Variants in HDAC4 observed in about 807,000 individuals in gnomAD.
HDAC4 encodes the protein histone deacetylase 4.
A neutral mutation model predicts 135.1 loss-of-function variants in HDAC4; 16 were observed. The ratio of observed to expected loss-of-function variants is 0.12; its 90% CI spans 0.08 to 0.18. The LOEUF is 0.18. Among genes scored for constraint, HDAC4 ranks in the 10% least tolerant of loss-of-function variants. The pLI is 1.00. For missense variants in HDAC4, 1,143 were observed against 1,511.8 expected (o/e 0.76, Z 4.05); for synonymous variants, 685 against 653.4 (o/e 1.05, Z -0.74).
chr2:239,373,397 C>T (rs1421690132), intron 1 of HDAC4, among the ~76,000 whole-genome samples: 1 of 152,166 alleles, frequency 6.6e-6, no homozygotes, highest in South Asian at 2.1e-4. Context: ...TCACACTGAG[C>T]GTTCATTTTC....
intron 1 of HDAC4, among the ~76,000 whole-genome samples, chr2:239,366,558 T>A (rs1366430899): frequency 1.3e-5 from 2 of 152,152 alleles, no homozygotes; most frequent in Non-Finnish European, 2.9e-5. Context: ...TAAAATAAAC[T>A]CTGGAGAGGA....
chr2:239,263,366 C>T (rs1181821253), intron 2 of HDAC4, among the ~76,000 whole-genome samples: 5 of 147,918 alleles, frequency 3.4e-5, no homozygotes, highest in Non-Finnish European at 7.4e-5. Context: ...CCGAAGCCCG[C>T]CCAGTCCCCT....
At chr2:239,083,966 C>T (rs535408822) in intron 20 of HDAC4, among the ~76,000 whole-genome samples, 189 bp downstream of exon 20, 6 of 152,356 alleles carry the variant, frequency 3.9e-5, no homozygotes, top group South Asian at 2.1e-4. Flanking sequence ...TCGCCAGGGT[C>T]GGCTGACGGA....
intron 1 of HDAC4, among the ~76,000 whole-genome samples, chr2:239,373,205 T>G (rs976807624): frequency 6.6e-6 from 1 of 152,096 alleles, no homozygotes; most frequent in South Asian, 2.1e-4. Context: ...GCGTACCTCC[T>G]CCAGCCATGC....
intron 2 of HDAC4, among the ~76,000 whole-genome samples, chr2:239,243,517 C>T (rs13384472): frequency 0.27 from 41,653 of 151,926 alleles, 6,116 homozygotes; most frequent in East Asian, 0.4. Flanking sequence ...ACAATGAAAC[C>T]GCTGTGACTC....
intron 9 of HDAC4, among the ~76,000 whole-genome samples, chr2:239,137,692 A>G (rs2041069552): frequency 6.6e-6 from 1 of 152,174 alleles, no homozygotes; most frequent in East Asian, 1.9e-4. Flanking sequence ...ACTCTGCACC[A>G]CGTGAGAACG....
intron 1 of HDAC4, among the ~76,000 whole-genome samples, chr2:239,398,410 T>C (rs1696710577): frequency 6.6e-6 from 1 of 152,240 alleles, no homozygotes; most frequent in Non-Finnish European, 1.5e-5. Context: ...ACAATGAAGC[T>C]GGAGAATGGA....
chr2:239,133,520 G>A (rs2040739630), intron 11 of HDAC4, among the ~76,000 whole-genome samples: 2 of 152,226 alleles, frequency 1.3e-5, no homozygotes, highest in Admixed American at 1.3e-4. Context: ...AGGCTGGAGT[G>A]CAGTGCCACC....
At chr2:239,064,181 G>A (rs957313133) in intron 24 of HDAC4, among the ~76,000 whole-genome samples, 4 of 152,262 alleles carry the variant, frequency 2.6e-5, no homozygotes, top group Admixed American at 6.5e-5. Flanking sequence ...CGGGCAGTTT[G>A]TGTCACCTGG....
At chr2:239,175,589 C>G (rs913860409) in intron 5 of HDAC4, among the ~76,000 whole-genome samples, 4 of 152,224 alleles carry the variant, frequency 2.6e-5, no homozygotes, top group African/African-American at 9.6e-5. Flanking sequence ...ACACAGCCCC[C>G]ACAGAAGGCA....
intron 6 of HDAC4, among the ~76,000 whole-genome samples, chr2:239,158,047 C>T (rs1200301522): frequency 1.3e-5 from 2 of 152,354 alleles, no homozygotes; most frequent in African/African-American, 4.8e-5. Context: ...CAGTCAGGCT[C>T]GGACTGCAGG....
At position 239,319,157 on chromosome 2, in the gene HDAC4, AAAGT is replaced by A. The variant is rs2053224725; in HGVS notation, c.22+33517_22+33520del. Among the ~76,000 whole-genome samples the A allele has an allele frequency of 2.0e-5, 3 of 152,368 alleles. No individual in the cohort carries two copies. The South Asian group carries it at 6.2e-4, about 32-fold the overall frequency. On this transcript the variant is annotated intron_variant, in intron 2 of 26. Transcript: ENST00000543185. ...TCCAAAGGATATTACTTCCAGAAGA[AAAGT>A]AAGAGCAAAAAACCAGAATATCTGA...
In HDAC4 at chr2:239,313,786, T is replaced by C. The variant is rs573090049; in HGVS notation, c.22+38892A>G. Among the ~76,000 whole-genome samples the C allele has an allele frequency of 6.6e-6, 1 of 152,304 alleles. No homozygotes were observed. The highest frequency in any genetic ancestry group is 1.5e-5 in the Non-Finnish European group (1 of 68,028). On this transcript the variant is annotated intron_variant, in intron 2 of 26. Transcript: ENST00000543185. This position sits in a 1 kb window ranked among gnomAD's most constrained non-coding sequence, Gnocchi z 5.1. ...TAATTATACTCAGGGCTGAGTTGGC[T>C]GAAGAGTGAGGAATATACTCCAAAG...
intron 4 of HDAC4, among the ~76,000 whole-genome samples, chr2:239,188,310 G>A (rs926333403): frequency 1.4e-4 from 21 of 152,160 alleles, no homozygotes; most frequent in African/African-American, 4.3e-4. Flanking sequence ...TCCATTTCTC[G>A]ACAGTGATTA....
rs542713241 is a variant in HDAC4, at chr2:239,384,937, G to A, written c.-220+16041C>T. Among the ~76,000 whole-genome samples the A allele has an allele frequency of 2.2e-3, 342 of 152,242 alleles. 1 individual carries two copies. The highest frequency in any genetic ancestry group is 7.6e-3 in the African/African-American group (316 of 41,546). ...TCAGGGCTCCTCTCTGCACCCCACC[G>A]GGCCCAGAAACTGATGGGGAGGTGC... On this transcript the variant is annotated intron_variant, in intron 1 of 26. Coordinates refer to ENST00000543185, the MANE Select transcript of HDAC4 (RefSeq NM_001378414.1).
chr2:239,254,808 G>A (rs1358994406), intron 2 of HDAC4, among the ~76,000 whole-genome samples: 1 of 152,186 alleles, frequency 6.6e-6, no homozygotes, highest in Non-Finnish European at 1.5e-5. Flanking sequence ...TCTCTATTAG[G>A]ATAAATAAGT....
chr2:239,243,488 G>A (rs986503001), intron 2 of HDAC4, among the ~76,000 whole-genome samples: 1 of 152,160 alleles, frequency 6.6e-6, no homozygotes, highest in East Asian at 1.9e-4. Context: ...TTGGTGGGGG[G>A]TTGCTGACAT....
chr2:239,180,490 AC>A (rs1481828296), intron 4 of HDAC4, among the ~76,000 whole-genome samples: 1 of 152,090 alleles, frequency 6.6e-6, no homozygotes, highest in Non-Finnish European at 1.5e-5. Flanking sequence ...CATGCCAGTC[AC>A]CCCGCATGTC....
chr2:239,312,632 C>T (rs752029851), intron 2 of HDAC4, among the ~76,000 whole-genome samples: 13 of 152,190 alleles, frequency 8.5e-5, no homozygotes, highest in Non-Finnish European at 1.3e-4. Flanking sequence ...AAAACATCCA[C>T]ACTTGTCTTT....
Sources: allele counts gnomAD v4.1 joint callset (sites outside exome capture counted in the v4.1 genomes callset), GRCh38; gene constraint gnomAD v4.1.1; non-coding constraint Gnocchi (gnomAD v3.1); transcripts MANE v1.5; gene names NCBI Gene and HGNC (gene_info 2026-07-23, HGNC 2026-07-21).